SUPT3H: variants seen among roughly 807,000 people sequenced by gnomAD.
The protein encoded by SUPT3H is SPT3 homolog, SAGA and STAGA complex component.
SUPT3H carries 44 observed loss-of-function variants against 44.3 expected under a neutral mutation model. The observed-to-expected ratio is 0.99, with a 90% CI of 0.78 to 1.28. The LOEUF is 1.28. Among genes scored for constraint, SUPT3H ranks in the 50% most tolerant of loss-of-function variants. The pLI, the probability that SUPT3H is intolerant of heterozygous loss-of-function variation, is 0.00. For missense variants in SUPT3H, 380 were observed against 387.1 expected, an observed-to-expected ratio of 0.98 and a Z score of 0.15; for synonymous variants, 124 against 125.6, an observed-to-expected ratio of 0.99 and a Z score of 0.09.
At chr6:45,043,693 T>C (rs1788945010) in intron 3 of SUPT3H, among the ~76,000 whole-genome samples, 1 of 152,058 alleles carries the variant, frequency 6.6e-6, no homozygotes, top group Non-Finnish European at 1.5e-5. Context: ...ACTATACACA[T>C]ATTAAAGGCT....
chr6:44,883,475 C>T (rs959152379), intron 10 of SUPT3H, among the ~76,000 whole-genome samples: 1 of 152,158 alleles, frequency 6.6e-6, no homozygotes, highest in African/African-American at 2.4e-5. Flanking sequence ...AGATTTGATG[C>T]TGTCCCCAAT....
At chr6:45,000,339 T>C (rs570427784) in intron 6 of SUPT3H, among the ~76,000 whole-genome samples, 1 of 152,156 alleles carries the variant, frequency 6.6e-6, no homozygotes, top group African/African-American at 2.4e-5. Flanking sequence ...TATTTTCCTT[T>C]TCCTTATAAC....
rs1776524105 is a variant in SUPT3H at position 45,273,418 on chromosome 6, T to C, written c.101+91783A>G. On this transcript the variant is annotated intron_variant, in intron 2 of 10. Coordinates refer to ENST00000371459, the MANE Select transcript of SUPT3H (RefSeq NM_003599.4). The stretch of plus-strand genomic sequence containing the variant: ...CCATTCTACCACCCAAGCTTCCCCA[T>C]AAATTTGATATTAGTTCTTGCTTCA... Among the ~76,000 whole-genome samples the C allele has an allele frequency of 2.0e-5, 3 of 152,168 alleles. No individual in the cohort carries two copies. The South Asian group carries it at 6.2e-4, about 32-fold the overall frequency.
chr6:44,877,593 A>T (rs1777520890), intron 10 of SUPT3H, among the ~76,000 whole-genome samples: 1 of 152,168 alleles, frequency 6.6e-6, no homozygotes, highest in Non-Finnish European at 1.5e-5. Flanking sequence ...CTTAAATGAA[A>T]ATTATTCAAT....
chr6:45,108,733 T>C (rs1799638567), intron 2 of SUPT3H, among the ~76,000 whole-genome samples: 1 of 152,116 alleles, frequency 6.6e-6, no homozygotes, highest in Non-Finnish European at 1.5e-5. Context: ...GGAAACCACA[T>C]ACACAGAAGC....
intron 2 of SUPT3H, among the ~76,000 whole-genome samples, chr6:45,291,325 CAG>C (rs1367504541): frequency 6.6e-6 from 1 of 152,152 alleles, no homozygotes; most frequent in Non-Finnish European, 1.5e-5. Flanking sequence ...TTTCCTCTGA[CAG>C]AGAGAAGGAA....
chr6:45,028,212 T>G (rs535305770), intron 3 of SUPT3H, among the ~76,000 whole-genome samples: 1 of 152,338 alleles, frequency 6.6e-6, no homozygotes, highest in East Asian at 1.9e-4. Context: ...ATCATTTTAT[T>G]TCACCTTTCC....
intron 10 of SUPT3H, among the ~76,000 whole-genome samples, chr6:44,914,737 C>G (rs2153454318): frequency 6.6e-6 from 1 of 152,252 alleles, no homozygotes; most frequent in South Asian, 2.1e-4. Flanking sequence ...GTACACTTGT[C>G]CATCCATTCA....
intron 2 of SUPT3H, among the ~76,000 whole-genome samples, chr6:45,133,245 C>G (rs536778928): frequency 6.6e-6 from 1 of 152,232 alleles, no homozygotes; most frequent in South Asian, 2.1e-4. Flanking sequence ...CCATATTACA[C>G]GTTCAGATCT....
At chr6:45,061,244 C>T (rs1282049728) in intron 3 of SUPT3H, among the ~76,000 whole-genome samples, 2 of 152,134 alleles carry the variant, frequency 1.3e-5, no homozygotes, top group African/African-American at 2.4e-5. Flanking sequence ...GGTACATATA[C>T]ACCATGGAAT....
chr6:45,192,910 T>A (rs947703848), intron 2 of SUPT3H, among the ~76,000 whole-genome samples: 1 of 152,154 alleles, frequency 6.6e-6, no homozygotes, highest in African/African-American at 2.4e-5. Flanking sequence ...TGCAAAATTG[T>A]AAGAAAATGT....
chr6:45,178,563 A>T (rs1584061162), intron 2 of SUPT3H, among the ~76,000 whole-genome samples: 1 of 152,074 alleles, frequency 6.6e-6, no homozygotes, highest in East Asian at 1.9e-4. Flanking sequence ...CACCAAGCGG[A>T]CCTAATAGAC....
chr6:45,157,572 G>A (rs1808040999), intron 2 of SUPT3H, among the ~76,000 whole-genome samples: 1 of 151,226 alleles, frequency 6.6e-6, no homozygotes, highest in Admixed American at 6.6e-5. Flanking sequence ...TTTTTGAGAT[G>A]GAGTCTCACT....
At chr6:45,212,007 T>C (rs1764171244) in intron 2 of SUPT3H, among the ~76,000 whole-genome samples, 1 of 151,708 alleles carries the variant, frequency 6.6e-6, no homozygotes, top group Admixed American at 6.6e-5. Flanking sequence ...CTACTAAAAA[T>C]GGAAAAAGTT....
At chr6:45,281,496 A>G (rs996073402) in intron 2 of SUPT3H, among the ~76,000 whole-genome samples, 1 of 152,184 alleles carries the variant, frequency 6.6e-6, no homozygotes, top group African/African-American at 2.4e-5. Context: ...GCTCATTGCT[A>G]GCACAGCAGT....
At chr6:44,842,075 G>A (rs1163387424) in intron 10 of SUPT3H, among the ~76,000 whole-genome samples, 3 of 152,194 alleles carry the variant, frequency 2.0e-5, no homozygotes, top group African/African-American at 7.2e-5. Flanking sequence ...CCTGAATGGA[G>A]GAAGCCATGC....
At chr6:45,191,547 C>T (rs1384274554) in intron 2 of SUPT3H, among the ~76,000 whole-genome samples, 1 of 152,014 alleles carries the variant, frequency 6.6e-6, no homozygotes, top group Non-Finnish European at 1.5e-5. Flanking sequence ...AGAGTGAATC[C>T]TAAACTATGA....
intron 2 of SUPT3H, among the ~76,000 whole-genome samples, chr6:45,282,732 G>C (rs950641192): frequency 1.2e-4 from 18 of 152,094 alleles, no homozygotes; most frequent in Non-Finnish European, 1.0e-4. Context: ...GAAATACAGA[G>C]AACGCCACAA....
intron 3 of SUPT3H, among the ~76,000 whole-genome samples, chr6:45,083,278 G>A (rs1333632326): frequency 2.6e-5 from 4 of 151,492 alleles, no homozygotes; most frequent in South Asian, 2.1e-4. Flanking sequence ...TGCAACCTCC[G>A]CCTCCCAGGT....
Sources: gnomAD v4.1 joint callset for allele counts (sites outside exome capture counted in the v4.1 genomes callset) on GRCh38, gnomAD v4.1.1 for gene constraint, MANE v1.5 for transcripts, NCBI Gene and HGNC (gene_info 2026-07-23, HGNC 2026-07-21) for gene names.